Variants in LSM12 observed in about 807,000 individuals in gnomAD.
The protein encoded by LSM12 is LSM12 homolog, also known as protein LSM12.
For missense variants in LSM12, 108 were observed against 238.9 expected, an observed-to-expected ratio of 0.45 and a Z score of 3.61; for synonymous variants, 74 against 87.3, an observed-to-expected ratio of 0.85 and a Z score of 0.85.
chr17:44,062,453 T>C (rs997888861), intron 2 of LSM12, among the ~76,000 whole-genome samples: 5 of 152,198 alleles, frequency 3.3e-5, no homozygotes, highest in Admixed American at 3.3e-4. Context: ...GCCATTTAAC[T>C]GAGTGCTGAT....
rs1379013377 is a variant in LSM12, at chr17:44,066,600, G to C, written c.-13C>G. 1 of 1,358,224 alleles carries C rather than the reference G, an allele frequency of 7.4e-7. No homozygotes were observed. The highest frequency in any genetic ancestry group is 1.5e-5 in the African/African-American group (1 of 65,100). 84.1% of individuals were successfully genotyped at this position (1,358,224 alleles called of 1,614,324 possible). A position where few individuals can be genotyped will look rare whatever the true frequency, so the allele number is the denominator to read the frequency against. ...GAGGAGCCGCCATCTTGGGAGTGCA[G>C]CCGCGGCCGGCGGCGGCGGCGGCAG... On this transcript the variant is annotated 5_prime_UTR_variant, in exon 1 of 5. Coordinates refer to ENST00000293406, the MANE Select transcript of LSM12 (RefSeq NM_001371445.1).
At chr17:44,064,447 A>G (rs1238635184) in intron 1 of LSM12, among the ~76,000 whole-genome samples, 1 of 152,212 alleles carries the variant, frequency 6.6e-6, no homozygotes, top group Non-Finnish European at 1.5e-5. Flanking sequence ...TGAGTAATTC[A>G]GCCAGGCTCA....
At chr17:44,058,356 C>T (rs1241627065) in intron 2 of LSM12, among the ~76,000 whole-genome samples, 1 of 152,092 alleles carries the variant, frequency 6.6e-6, no homozygotes, top group Non-Finnish European at 1.5e-5. Flanking sequence ...GTCTTTTCTA[C>T]TAGACTACCC....
chr17:44,059,143 T>C (rs910199640), intron 2 of LSM12, among the ~76,000 whole-genome samples: 1 of 152,080 alleles, frequency 6.6e-6, no homozygotes, highest in Non-Finnish European at 1.5e-5. Flanking sequence ...CACTCTAGCC[T>C]GGTCAACAGA....
intron 2 of LSM12, among the ~76,000 whole-genome samples, chr17:44,062,975 C>T (rs1308384913): frequency 6.6e-6 from 1 of 151,934 alleles, no homozygotes; most frequent in Non-Finnish European, 1.5e-5. Flanking sequence ...GAGGCTGAGG[C>T]ACGAGAATCA....
upstream of LSM12, chr17:44,066,678 G>C (rs902592810): frequency 8.0e-7 from 1 of 1,251,558 alleles, no homozygotes; most frequent in Non-Finnish European, 1.0e-6. Context: ...CGGCGCGCAC[G>C]GAGCGTGCTT....
chr17:44,039,244 G>A (rs1225554287), intron 3 of LSM12, among the ~76,000 whole-genome samples: 2 of 152,006 alleles, frequency 1.3e-5, no homozygotes, highest in Non-Finnish European at 2.9e-5. Context: ...AGTAGAGATG[G>A]GGGTTTCAAC....
intron 2 of LSM12, among the ~76,000 whole-genome samples, chr17:44,055,726 T>C (rs1455647495): frequency 6.9e-6 from 1 of 144,176 alleles, no homozygotes; most frequent in African/African-American, 2.6e-5. Context: ...ATATATAAAA[T>C]ATATTATATA....
chr17:44,065,246 A>C (rs908560371), intron 1 of LSM12, among the ~76,000 whole-genome samples: 1 of 151,974 alleles, frequency 6.6e-6, no homozygotes, highest in Non-Finnish European at 1.5e-5. Flanking sequence ...CATCCTGGCC[A>C]ACATGGTGAT....
intron 1 of LSM12, 111 bp from the exon 2 acceptor site, chr17:44,064,045 G>A: frequency 6.1e-6 from 7 of 1,143,336 alleles, no homozygotes; most frequent in Non-Finnish European, 7.4e-6. Flanking sequence ...AGGCAGGCCA[G>A]GAGCATGAGG....
At chr17:44,043,517 C>G (rs2049521767) in intron 2 of LSM12, among the ~76,000 whole-genome samples, 1 of 147,824 alleles carries the variant, frequency 6.8e-6, no homozygotes, top group South Asian at 2.1e-4. Flanking sequence ...ACTCAAGCAC[C>G]AAAAAAACCC....
chr17:44,061,968 T>C (rs1015373271), intron 2 of LSM12, among the ~76,000 whole-genome samples: 2 of 152,222 alleles, frequency 1.3e-5, no homozygotes, highest in East Asian at 3.9e-4. Flanking sequence ...ACGCCTGTAA[T>C]CCCAGCACTT....
chr17:44,065,194 G>A (rs1321817269), intron 1 of LSM12, among the ~76,000 whole-genome samples: 1 of 151,996 alleles, frequency 6.6e-6, no homozygotes, highest in Non-Finnish European at 1.5e-5. Flanking sequence ...CAGCACTTTG[G>A]GAGGCTGAAG....
chr17:44,038,329 T>G (rs958300763), intron 3 of LSM12, among the ~76,000 whole-genome samples: 1 of 129,168 alleles, frequency 7.7e-6, no homozygotes, highest in Non-Finnish European at 1.6e-5. Flanking sequence ...ACTCCCAACC[T>G]AGGCAATAAA....
In LSM12 at chr17:44,034,810, C is replaced by T. The variant is rs983910580; in HGVS notation, c.*1398G>A. On this transcript the variant is annotated 3_prime_UTR_variant, in exon 5 of 5. Transcript: ENST00000293406. ...TAGTAGTTAACCCCCACCCCACCCC[C>T]AAAGCTCTAGCCAGTCATGTGAGCA... 2.2e-5 allele frequency: 2 copies of T among 89,796 alleles called. No individual in the cohort carries two copies. Among genetic ancestry groups the T allele is most frequent in the Admixed American group, 2.5e-4 (2 of 7,888 alleles). The allele number at this position is 89,796 out of a possible 1,614,324, so 5.6% of individuals were successfully genotyped here. A position where few individuals can be genotyped will look rare whatever the true frequency, so the allele number is the denominator to read the frequency against.
chr17:44,062,083 G>C (rs888278545), intron 2 of LSM12, among the ~76,000 whole-genome samples: 24 of 152,188 alleles, frequency 1.6e-4, no homozygotes, highest in Non-Finnish European at 2.9e-4. Flanking sequence ...TTAGCCGGGC[G>C]TGGTGTCGGG....
chr17:44,042,867 AT>A (rs1567956457), intron 2 of LSM12, among the ~76,000 whole-genome samples: 1 of 150,744 alleles, frequency 6.6e-6, no homozygotes, highest in Non-Finnish European at 1.5e-5. Flanking sequence ...ACACCTGGCC[AT>A]TTTTTTGTAT....
intron 2 of LSM12, among the ~76,000 whole-genome samples, chr17:44,058,566 C>G (rs2049752484): frequency 6.6e-6 from 1 of 152,104 alleles, no homozygotes; most frequent in African/African-American, 2.4e-5. Context: ...GGCGCGGTGG[C>G]TCACGCCTGT....
Position 44,040,274 on chromosome 17 carries a change from A to G in LSM12, c.259-18T>C. The G allele has an allele frequency of 2.5e-6, 4 of 1,580,066 alleles. No homozygotes were observed. The highest frequency in any genetic ancestry group is 3.5e-6 in the Non-Finnish European group (4 of 1,149,850). ...CTGGCAAGCTAGGGTGGAAGAGAGG[A>G]AAGAGACTCAGAATAGGATTCATCT... On this transcript the variant is annotated intron_variant, in intron 2 of 4. Coordinates refer to ENST00000293406, the MANE Select transcript of LSM12 (RefSeq NM_001371445.1).
Sources: allele counts gnomAD v4.1 joint callset (sites outside exome capture counted in the v4.1 genomes callset), GRCh38; gene constraint gnomAD v4.1.1; transcripts MANE v1.5; gene names NCBI Gene and HGNC (gene_info 2026-07-23, HGNC 2026-07-21).